MDGA2: variants seen among roughly 807,000 people sequenced by gnomAD.
MDGA2 encodes MAM domain-containing glycosylphosphatidylinositol anchor protein 2.
A neutral mutation model predicts 117.8 loss-of-function variants in MDGA2; 40 were observed. The ratio of observed to expected loss-of-function variants is 0.34; its 90% CI spans 0.26 to 0.44. MDGA2 has a LOEUF of 0.44. Ranked by LOEUF, MDGA2 falls within the 20% of genes least tolerant of loss-of-function variation. The pLI is 1.00. For synonymous variants in MDGA2, 452 were observed against 439.0 expected (o/e 1.03, Z -0.37); for missense variants, 1,123 against 1,250.6 (o/e 0.90, Z 1.54).
At chr14:47,297,043 T>C (rs991102350) in intron 2 of MDGA2, among the ~76,000 whole-genome samples, 6 of 152,194 alleles carry the variant, frequency 3.9e-5, no homozygotes, top group Admixed American at 1.3e-4. Flanking sequence ...AGAATCTTCA[T>C]TTTTAATCAA....
intron 3 of MDGA2, among the ~76,000 whole-genome samples, chr14:47,203,466 T>G (rs923784115): frequency 6.6e-6 from 1 of 151,996 alleles, no homozygotes; most frequent in Non-Finnish European, 1.5e-5. Context: ...CTAGGATCAA[T>G]GATTCCATCA....
intron 1 of MDGA2, among the ~76,000 whole-genome samples, chr14:47,382,929 C>G (rs1390114266): frequency 6.6e-6 from 1 of 152,156 alleles, no homozygotes; most frequent in Admixed American, 6.5e-5. Flanking sequence ...GCACTATTCA[C>G]AACAACAAAG....
intron 1 of MDGA2, 66 bp from the exon 2 acceptor site, chr14:47,301,616 C>T: frequency 4.6e-6 from 7 of 1,511,770 alleles, no homozygotes; most frequent in Non-Finnish European, 6.3e-6. Flanking sequence ...TCTCATGAAC[C>T]ATCTTGACTA....
chr14:47,131,456 G>A (rs2139151449), intron 5 of MDGA2, among the ~76,000 whole-genome samples: 1 of 151,950 alleles, frequency 6.6e-6, no homozygotes, highest in Non-Finnish European at 1.5e-5. Flanking sequence ...GCTCGTTAGT[G>A]ACATTTTAGA....
intron 8 of MDGA2, among the ~76,000 whole-genome samples, chr14:47,007,092 G>A (rs927764237): frequency 6.6e-6 from 1 of 151,698 alleles, no homozygotes; most frequent in Non-Finnish European, 1.5e-5. Flanking sequence ...CATCCATGGA[G>A]GATACATTGA....
At chr14:46,862,922 G>A (rs1349323580) in intron 14 of MDGA2, among the ~76,000 whole-genome samples, 3 of 151,946 alleles carry the variant, frequency 2.0e-5, no homozygotes, top group Non-Finnish European at 4.4e-5. Flanking sequence ...AATGAAAAAT[G>A]CCAGTTTATT....
chr14:47,540,540 G>GTGTGTGTGTGTGTGTATATA lies in MDGA2; in HGVS notation c.280+133976_280+133977insTATATACACACACACACACA. Among the ~76,000 whole-genome samples the GTGTGTGTGTGTGTGTATATA allele has an allele frequency of 4.0e-3, 315 of 79,136 alleles. 1 individual carries two copies. The highest frequency in any genetic ancestry group is 5.7e-3 in the Non-Finnish European group (205 of 35,958). The allele number at this position is 79,136 out of a possible 152,430, so 51.9% of individuals were successfully genotyped here. ...TGTATATGTGTGTGTGTGTGTGTGT[G>GTGTGTGTGTGTGTGTATATA]TATATATATATATGTATATATATAC... is the stretch of plus-strand genomic sequence containing the variant. On this transcript the variant is annotated intron_variant, in intron 1 of 16. Transcript: ENST00000399232.
intron 1 of MDGA2, among the ~76,000 whole-genome samples, chr14:47,571,233 T>C (rs1896013220): frequency 6.6e-6 from 1 of 152,136 alleles, no homozygotes; most frequent in South Asian, 2.1e-4. Context: ...AGAATTGTGA[T>C]CATTAAAAAG....
intron 1 of MDGA2, among the ~76,000 whole-genome samples, chr14:47,610,582 C>CAACAAA (rs1166936399): frequency 1.3e-5 from 2 of 151,362 alleles, no homozygotes; most frequent in Admixed American, 1.3e-4. Context: ...AAACAAACAA[C>CAACAAA]AACAACAACA....
intron 6 of MDGA2, among the ~76,000 whole-genome samples, chr14:47,077,062 C>A (rs544882463): frequency 6.6e-6 from 1 of 151,812 alleles, no homozygotes; most frequent in South Asian, 2.1e-4. Context: ...TTTTTAGTAT[C>A]ATTGAAAACA....
At chr14:47,592,333 T>C (rs544170386) in intron 1 of MDGA2, among the ~76,000 whole-genome samples, 1 of 152,188 alleles carries the variant, frequency 6.6e-6, no homozygotes, top group East Asian at 1.9e-4. Flanking sequence ...AATTTATACA[T>C]TCGATGCTAT....
At chr14:47,176,891 C>A (rs1199279776) in intron 3 of MDGA2, among the ~76,000 whole-genome samples, 7 of 152,062 alleles carry the variant, frequency 4.6e-5, no homozygotes, top group Admixed American at 4.6e-4. Context: ...AAAATTTTCG[C>A]AACCTACTCA....
chr14:47,200,863 G>A (rs1885477547), intron 3 of MDGA2: 1 of 849,624 alleles, frequency 1.2e-6, no homozygotes, highest in South Asian at 1.3e-5. Flanking sequence ...AGGGCGGTGG[G>A]ATGCCGTCAA....
chr14:46,990,967 T>C (rs897255158), intron 8 of MDGA2, among the ~76,000 whole-genome samples: 2 of 151,982 alleles, frequency 1.3e-5, no homozygotes, highest in Admixed American at 1.3e-4. Context: ...TAAAGGATTA[T>C]GGGATTACAG....
intron 1 of MDGA2, among the ~76,000 whole-genome samples, chr14:47,542,220 A>G (rs532987199): frequency 3.4e-4 from 52 of 152,324 alleles, no homozygotes; most frequent in Admixed American, 2.0e-3. Flanking sequence ...ATCTTAAAGC[A>G]CCACTTGTGT....
chr14:46,860,648 C>A (rs1031559797), intron 14 of MDGA2, among the ~76,000 whole-genome samples: 4 of 151,874 alleles, frequency 2.6e-5, no homozygotes, highest in African/African-American at 9.7e-5. Context: ...AATTTCCAAA[C>A]CATATTGTTT....
chr14:47,539,470 G>C (rs547751752), intron 1 of MDGA2, among the ~76,000 whole-genome samples: 211 of 152,236 alleles, frequency 1.4e-3, no homozygotes, highest in African/African-American at 4.7e-3. Context: ...GGTGGCTATG[G>C]AGCTGACAGG....
chr14:47,447,846 C>T (rs745841085), intron 1 of MDGA2, among the ~76,000 whole-genome samples: 15 of 152,224 alleles, frequency 9.9e-5, no homozygotes, highest in East Asian at 3.9e-4. Flanking sequence ...AATATCAGGG[C>T]GTTAGGCTCC....
At chr14:47,146,983 G>C (rs1240952726) in intron 3 of MDGA2, among the ~76,000 whole-genome samples, 3 of 152,040 alleles carry the variant, frequency 2.0e-5, no homozygotes. Flanking sequence ...GTTATCTGTT[G>C]AATTGACTCA....
Sources: gnomAD v4.1 joint callset for allele counts (sites outside exome capture counted in the v4.1 genomes callset) on GRCh38, gnomAD v4.1.1 for gene constraint, MANE v1.5 for transcripts, NCBI Gene and HGNC (gene_info 2026-07-23, HGNC 2026-07-21) for gene names.